The following ZNF469 variants were observed in gnomAD, a reference collection of about 807,000 sequenced individuals.
ZNF469 encodes the protein zinc finger protein 469.
Under a neutral mutation model 1.0 loss-of-function variants are expected in ZNF469, and 1 was observed. That is an observed-to-expected ratio of 1.00 (90% CI 0.35 to 4.73). The LOEUF is 4.73. Ranked by LOEUF, ZNF469 falls within the 30% of genes most tolerant of loss-of-function variation. The probability of loss-of-function intolerance (pLI) is 0.16; values close to 1 mark genes in which losing one functional copy is unlikely to be tolerated. For missense variants in ZNF469, 6,100 were observed against 5,356.3 expected (o/e 1.14, Z -4.33); for synonymous variants, 2,703 against 2,363.4 (o/e 1.14, Z -4.17).
the ZNF469 span, among the ~76,000 whole-genome samples, chr16:88,130,636 G>T: frequency 4.0e-5 from 6 of 151,404 alleles, no homozygotes; most frequent in African/African-American, 1.2e-4. Flanking sequence ...GACCTGGGAG[G>T]CAGAGGTTGC....
the ZNF469 span, among the ~76,000 whole-genome samples, chr16:88,204,317 A>G: frequency 2.6e-5 from 4 of 152,168 alleles, no homozygotes; most frequent in Non-Finnish European, 4.4e-5. Context: ...GAGATGCCCC[A>G]TAAGCCACAT....
chr16:88,286,319 G>C, the ZNF469 span, among the ~76,000 whole-genome samples: 13 of 152,240 alleles, frequency 8.5e-5, no homozygotes, highest in Non-Finnish European at 1.9e-4. Flanking sequence ...TTGGAGTCCT[G>C]GGAGAGCCAC....
chr16:88,206,054 G>T, the ZNF469 span, among the ~76,000 whole-genome samples: 47 of 152,270 alleles, frequency 3.1e-4, 1 homozygote, highest in Admixed American at 2.7e-3. Context: ...AGGGAGAGAC[G>T]CCGTTCCTGG....
chr16:88,397,677 G>T (rs1241559177), intron 1 of ZNF469, among the ~76,000 whole-genome samples: 2 of 150,372 alleles, frequency 1.3e-5, no homozygotes, highest in Admixed American at 1.3e-4. Flanking sequence ...TAGATAGATA[G>T]ATAGATGTGA....
chr16:88,402,829 G>C (rs916043895), intron 1 of ZNF469, among the ~76,000 whole-genome samples: 1 of 152,174 alleles, frequency 6.6e-6, no homozygotes, highest in Non-Finnish European at 1.5e-5. Flanking sequence ...TTACCAGTGC[G>C]GAAACCGAGA....
the ZNF469 span, among the ~76,000 whole-genome samples, chr16:88,369,501 C>T: frequency 6.6e-6 from 1 of 152,176 alleles, no homozygotes; most frequent in Non-Finnish European, 1.5e-5. Flanking sequence ...GAATTGAAGT[C>T]GGACACAGCA....
chr16:88,204,340 G>T, the ZNF469 span, among the ~76,000 whole-genome samples: 1 of 152,240 alleles, frequency 6.6e-6, no homozygotes. Flanking sequence ...AGCTGCTAGG[G>T]TACCCCAGGC....
chr16:88,195,099 G>A, the ZNF469 span: 3 of 152,376 alleles, frequency 2.0e-5, 1 homozygote, highest in Admixed American at 6.5e-5. Flanking sequence ...GCGAGGAGGT[G>A]ATGGGCTTCA....
the ZNF469 span, among the ~76,000 whole-genome samples, chr16:88,193,332 G>A: frequency 0.017 from 2,594 of 151,394 alleles, 40 homozygotes; most frequent in Non-Finnish European, 0.027. Context: ...TGGTGGTGAC[G>A]GTGGTGATGA....
the ZNF469 span, among the ~76,000 whole-genome samples, chr16:88,181,617 A>G: frequency 0.1 from 15,413 of 152,244 alleles, 1,022 homozygotes; most frequent in East Asian, 0.26. Flanking sequence ...TGAGCAAAAA[A>G]GAAAATACAT....
the ZNF469 span, among the ~76,000 whole-genome samples, chr16:88,177,004 T>C: frequency 1.6e-4 from 24 of 152,250 alleles, no homozygotes; most frequent in African/African-American, 5.8e-4. The surrounding 1 kb of genome is among the most constrained non-coding windows in gnomAD (Gnocchi z 4.8). Context: ...GATGGGCTTT[T>C]CCCAGGTCAT....
Position 88,434,989 on chromosome 16 carries a change from C to G in ZNF469, c.7519C>G (p.Pro2507Ala). The G allele has an allele frequency of 6.5e-7, 1 of 1,550,252 alleles. No individual in the cohort carries two copies. The highest frequency in any genetic ancestry group is 8.7e-7 in the Non-Finnish European group (1 of 1,146,960). The part of the protein sequence containing the change: ...PHPGAPAEPS[P>A]AALPAQQPLE... ...CCCGGGAGCCCCCGCGGAGCCGAGC[C>G]CAGCGGCCTTGCCTGCTCAGCAGCC... The change falls in exon 3 of 3, where the codon CCA becomes GCA. Residue 2507 changes from proline to alanine, a missense_variant. By Grantham distance (27) the Pro-to-Ala change is conservative (BLOSUM62 -1). Transcript: ENST00000565624.
chr16:88,438,517 A>C lies in ZNF469; in HGVS notation c.11047A>C (p.Arg3683=), dbSNP rs1408830618. ...PAGCQSSSKD[R]SAASTPSKAL... Reference sequence around the variant, plus strand: ...GGGCTGCCAGAGCTCATCAAAGGACAGGTCGGCAGCATCCACCCCCAGCAA... The same window carrying C: ...GGGCTGCCAGAGCTCATCAAAGGACCGGTCGGCAGCATCCACCCCCAGCAA... The change falls in exon 3 of 3, where the codon AGG becomes CGG. Residue 3683 remains arginine, a synonymous_variant. Coordinates refer to ENST00000565624, the MANE Select transcript of ZNF469 (RefSeq NM_001367624.2). 1 of 1,550,108 alleles carries C rather than the reference A, an allele frequency of 6.5e-7. No individual in the cohort carries two copies. The highest frequency in any genetic ancestry group is 8.7e-7 in the Non-Finnish European group (1 of 1,146,936).
chr16:88,190,312 G>C, the ZNF469 span, among the ~76,000 whole-genome samples: 1 of 152,250 alleles, frequency 6.6e-6, no homozygotes, highest in Non-Finnish European at 1.5e-5. Context: ...GGAAACCCTT[G>C]GCACTTGCCT....
the ZNF469 span, among the ~76,000 whole-genome samples, chr16:88,200,526 C>T: frequency 1.3e-5 from 2 of 152,244 alleles, no homozygotes; most frequent in Admixed American, 6.5e-5. Flanking sequence ...AGCTGTCTTC[C>T]CCGGAGGCCG....
At chr16:88,404,682 G>T (rs890290463) in intron 1 of ZNF469, among the ~76,000 whole-genome samples, 3 of 152,200 alleles carry the variant, frequency 2.0e-5, no homozygotes, top group Non-Finnish European at 4.4e-5. Flanking sequence ...ACAGAGGGAT[G>T]CTGCAGGAAG....
At chr16:88,183,368 A>C in the ZNF469 span, among the ~76,000 whole-genome samples, 420 of 152,312 alleles carry the variant, frequency 2.8e-3, 3 homozygotes, top group African/African-American at 9.6e-3. Context: ...AAGTGGCTTC[A>C]CTCACAACAG....
At chr16:88,188,256 C>T in the ZNF469 span, among the ~76,000 whole-genome samples, 1 of 152,024 alleles carries the variant, frequency 6.6e-6, no homozygotes, top group African/African-American at 2.4e-5. Context: ...CCCCAGAGCA[C>T]CACAGGCTGC....
chr16:88,327,003 T>C, the ZNF469 span, among the ~76,000 whole-genome samples: 29 of 152,276 alleles, frequency 1.9e-4, no homozygotes, highest in African/African-American at 7.0e-4. Flanking sequence ...TTGAGCTGTC[T>C]CCTGGGTCAG....
Sources: allele counts gnomAD v4.1 joint callset (sites outside exome capture counted in the v4.1 genomes callset), GRCh38; gene constraint gnomAD v4.1.1; non-coding constraint Gnocchi (gnomAD v3.1); transcripts MANE v1.5; gene names NCBI Gene and HGNC (gene_info 2026-07-23, HGNC 2026-07-21).